SLC9A9: variants seen among roughly 807,000 people sequenced by gnomAD.
The protein encoded by SLC9A9 is sodium/hydrogen exchanger 9.
Under a neutral mutation model 77.8 loss-of-function variants are expected in SLC9A9, and 62 were observed. The observed-to-expected ratio is 0.80, with a 90% CI of 0.65 to 0.98. The LOEUF (loss-of-function observed/expected upper bound fraction) is 0.98, where lower values mean the gene tolerates loss of function less well. Ranked by LOEUF, SLC9A9 falls within the 50% of genes least tolerant of loss-of-function variation. SLC9A9 has a pLI of 0.00. For missense variants in SLC9A9, 775 were observed against 774.9 expected (o/e 1.00, Z 0.00); for synonymous variants, 320 against 283.5 (o/e 1.13, Z -1.29).
At chr3:143,646,282 GTATAA>G (rs952849297) in intron 6 of SLC9A9, among the ~76,000 whole-genome samples, 3 of 147,614 alleles carry the variant, frequency 2.0e-5, no homozygotes, top group Non-Finnish European at 3.0e-5. Flanking sequence ...ATATATACAG[GTATAA>G]TAAAATATAT....
At chr3:143,371,540 A>G (rs2033059214) in intron 13 of SLC9A9, among the ~76,000 whole-genome samples, 1 of 152,232 alleles carries the variant, frequency 6.6e-6, no homozygotes, top group Non-Finnish European at 1.5e-5. Flanking sequence ...TGAAGCCAGA[A>G]GAAAGGTAAC....
chr3:143,599,541 C>T (rs1435155218), intron 6 of SLC9A9, among the ~76,000 whole-genome samples: 4 of 152,160 alleles, frequency 2.6e-5, no homozygotes, highest in Middle Eastern at 3.4e-3. Flanking sequence ...ATGAGCACAA[C>T]AATTGCCTGT....
intron 5 of SLC9A9, among the ~76,000 whole-genome samples, chr3:143,684,772 C>T (rs1933208136): frequency 6.6e-6 from 1 of 152,042 alleles, no homozygotes; most frequent in Non-Finnish European, 1.5e-5. Context: ...TATTTACCCT[C>T]TTTTATTTCT....
chr3:143,713,035 G>A (rs1313978664), intron 4 of SLC9A9, among the ~76,000 whole-genome samples: 2 of 152,082 alleles, frequency 1.3e-5, no homozygotes, highest in African/African-American at 4.8e-5. Context: ...CCAAACAGAA[G>A]ATGGTAAAGG....
chr3:143,421,835 A>G (rs890965423), intron 12 of SLC9A9, among the ~76,000 whole-genome samples: 3 of 152,210 alleles, frequency 2.0e-5, no homozygotes, highest in Non-Finnish European at 4.4e-5. Context: ...TTTGCAAACT[A>G]TGCAGTCAAC....
intron 5 of SLC9A9, among the ~76,000 whole-genome samples, chr3:143,686,919 C>T (rs1933290867): frequency 6.6e-6 from 1 of 151,966 alleles, no homozygotes. Flanking sequence ...TTTTTGCACA[C>T]ACCAGAAGAA....
chr3:143,803,127 G>A (rs970086554), intron 2 of SLC9A9, among the ~76,000 whole-genome samples: 6 of 152,034 alleles, frequency 3.9e-5, no homozygotes, highest in African/African-American at 7.3e-5. Context: ...CCCAACTGCC[G>A]TCCACCTGCA....
intron 12 of SLC9A9, among the ~76,000 whole-genome samples, chr3:143,390,041 G>T (rs1238715192): frequency 6.6e-6 from 1 of 152,192 alleles, no homozygotes; most frequent in Non-Finnish European, 1.5e-5. Flanking sequence ...GTACTCATAT[G>T]CTTTGCTAGG....
chr3:143,503,610 C>A, intron 9 of SLC9A9: 1 of 447,892 alleles, frequency 2.2e-6, no homozygotes, highest in South Asian at 1.6e-5. Context: ...TGGTTCAGCT[C>A]AGGGATGACC....
In SLC9A9 at chr3:143,286,718, G is replaced by GCAAT. The variant is rs569984319; in HGVS notation, c.1605-17742_1605-17739dup. Among the ~76,000 whole-genome samples the GCAAT allele has an allele frequency of 9.2e-5, 14 of 152,334 alleles. No individual in the cohort carries two copies. The East Asian group carries it at 2.7e-3, about 29-fold the overall frequency. ...CTCTAGATCTAGGTGGAGCTGGAAA[G>GCAAT]CAATCACACCAGATTTCAATGCCTG... On this transcript the variant is annotated intron_variant, in intron 14 of 15. Coordinates refer to ENST00000316549, the MANE Select transcript of SLC9A9 (RefSeq NM_173653.4).
chr3:143,338,060 C>A (rs541763540), intron 14 of SLC9A9, among the ~76,000 whole-genome samples: 1 of 152,256 alleles, frequency 6.6e-6, no homozygotes, highest in South Asian at 2.1e-4. Context: ...AAGCCCTATT[C>A]AAACATATAC....
intron 12 of SLC9A9, among the ~76,000 whole-genome samples, chr3:143,418,231 G>T (rs939214561): frequency 1.3e-5 from 2 of 151,616 alleles, no homozygotes; most frequent in Admixed American, 1.3e-4. Flanking sequence ...AGGAAATAAG[G>T]AATCATAACC....
chr3:143,266,738 C>T lies in SLC9A9; in HGVS notation c.1902G>A (p.Lys634=), dbSNP rs372058620. ...GDLGLGGYEL[K]LEQTLGQSQL... ...GGGATTGACCCAAAGTTTGCTCAAG[C>T]TTGAGTTCATAGCCTCCCAGGCCGA... is the stretch of plus-strand genomic sequence containing the variant. The change falls in exon 16 of 16, where the codon AAG becomes AAA. Residue 634 remains lysine (K), a synonymous_variant. Transcript: ENST00000316549. 6.2e-5 allele frequency: 100 copies of T among 1,614,070 alleles called. No individual in the cohort carries two copies. The highest frequency in any genetic ancestry group is 8.1e-5 in the Non-Finnish European group (96 of 1,180,044).
intron 4 of SLC9A9, among the ~76,000 whole-genome samples, chr3:143,734,017 C>A (rs1934876967): frequency 6.6e-6 from 1 of 152,016 alleles, no homozygotes; most frequent in South Asian, 2.1e-4. Flanking sequence ...GGAAACATAG[C>A]AAGACCCTGT....
At chr3:143,440,411 G>T (rs1257857728) in intron 12 of SLC9A9, among the ~76,000 whole-genome samples, 1 of 152,146 alleles carries the variant, frequency 6.6e-6, no homozygotes, top group Non-Finnish European at 1.5e-5. Flanking sequence ...GGAGAGTCGG[G>T]GTTACGGGGA....
At chr3:143,667,620 T>C (rs983038756) in intron 5 of SLC9A9, among the ~76,000 whole-genome samples, 2 of 151,992 alleles carry the variant, frequency 1.3e-5, no homozygotes, top group Non-Finnish European at 2.9e-5. Flanking sequence ...ACAAAGAACT[T>C]AAACAAATTT....
intron 6 of SLC9A9, among the ~76,000 whole-genome samples, chr3:143,646,356 T>C (rs1430900452): frequency 6.7e-6 from 1 of 148,234 alleles, no homozygotes; most frequent in Non-Finnish European, 1.5e-5. Flanking sequence ...TGTTAGTATA[T>C]ATAATATATA....
chr3:143,817,134 T>C (rs2009037229), intron 2 of SLC9A9, among the ~76,000 whole-genome samples: 1 of 100,442 alleles, frequency 1.0e-5, no homozygotes, highest in Non-Finnish European at 1.8e-5. Flanking sequence ...CAAAAGTTTA[T>C]TTTTTTTTTT....
intron 14 of SLC9A9, among the ~76,000 whole-genome samples, chr3:143,296,796 A>AT (rs927779158): frequency 1.8e-4 from 27 of 152,010 alleles, no homozygotes; most frequent in African/African-American, 6.0e-4. Context: ...GATGTTGAGC[A>AT]TTTTTTTTAT....
Sources: allele counts gnomAD v4.1 joint callset (sites outside exome capture counted in the v4.1 genomes callset), GRCh38; gene constraint gnomAD v4.1.1; transcripts MANE v1.5; gene names NCBI Gene and HGNC (gene_info 2026-07-23, HGNC 2026-07-21).